Variants in KCNU1 observed in about 807,000 individuals in gnomAD.
KCNU1 encodes the protein potassium calcium-activated channel subfamily U member 1.
A neutral mutation model predicts 126.8 loss-of-function variants in KCNU1; 93 were observed. That is an observed-to-expected ratio of 0.73 (90% confidence interval 0.62 to 0.87). The LOEUF is 0.87. KCNU1 is among the 40% of genes least tolerant of loss of function. The pLI, the probability that KCNU1 is intolerant of heterozygous loss-of-function variation, is 0.00. For missense variants in KCNU1, 1,330 were observed against 1,367.1 expected, an observed-to-expected ratio of 0.97 and a Z score of 0.43; for synonymous variants, 523 against 494.2, an observed-to-expected ratio of 1.06 and a Z score of -0.77.
At chr8:36,890,037 A>T (rs1032616677) in intron 19 of KCNU1, among the ~76,000 whole-genome samples, 1 of 152,074 alleles carries the variant, frequency 6.6e-6, no homozygotes, top group African/African-American at 2.4e-5. Flanking sequence ...AAATTGAAGG[A>T]AACAGGCAGA....
chr8:36,787,197 G>C, intron 1 of KCNU1, 109 bp from the exon 2 acceptor site: 1 of 925,056 alleles, frequency 1.1e-6, no homozygotes, highest in Non-Finnish European at 1.5e-6. Context: ...GGACAAGGTG[G>C]AGTGATTTTC....
intron 24 of KCNU1, chr8:36,922,985 C>T (rs1808415013): frequency 2.1e-6 from 1 of 470,936 alleles, no homozygotes; most frequent in South Asian, 1.5e-5. Context: ...CCAAACAGCT[C>T]ATGTGGAAAT....
chr8:36,862,301 T>G (rs756785496), intron 18 of KCNU1, among the ~76,000 whole-genome samples: 2 of 152,222 alleles, frequency 1.3e-5, no homozygotes, highest in African/African-American at 2.4e-5. Flanking sequence ...GACTTTGTCT[T>G]ATTTTTTTCT....
At chr8:36,804,156 T>C in intron 3 of KCNU1, 68 bp downstream of exon 3, 3 of 999,542 alleles carry the variant, frequency 3.0e-6, no homozygotes, top group Non-Finnish European at 4.6e-6. Context: ...TGGAATTTTC[T>C]CCTCAGGAAT....
intron 2 of KCNU1, among the ~76,000 whole-genome samples, 181 bp from the exon 3 acceptor site, chr8:36,803,846 A>G (rs1257161747): frequency 2.0e-5 from 3 of 152,222 alleles, no homozygotes; most frequent in Non-Finnish European, 4.4e-5. Flanking sequence ...GAAAAGGTCC[A>G]ATCAAGTTGG....
intron 19 of KCNU1, among the ~76,000 whole-genome samples, chr8:36,887,907 A>G (rs1177158108): frequency 2.6e-5 from 4 of 152,112 alleles, no homozygotes; most frequent in African/African-American, 9.7e-5. Flanking sequence ...TATAATCTCT[A>G]TTTTAACATT....
chr8:36,923,521 G>A (rs796281947), intron 24 of KCNU1, among the ~76,000 whole-genome samples: 1 of 152,172 alleles, frequency 6.6e-6, no homozygotes, highest in Admixed American at 6.5e-5. Flanking sequence ...AAGCAGTGAG[G>A]TGGGAGTTGT....
Position 36,922,529 on chromosome 8 carries a change from G to T in KCNU1, c.2636G>T (p.Gly879Val). Reference protein sequence around the residue: ...SNIHFIEQLGGLEGSLQETNL... With the variant: ...SNIHFIEQLGVLEGSLQETNL... Reference sequence around the variant, plus strand: ...ATTCACTTTATTGAACAGCTTGGTGGACTGGAAGGGTCCCTCCAAGAAACA... The same window carrying T: ...ATTCACTTTATTGAACAGCTTGGTGTACTGGAAGGGTCCCTCCAAGAAACA... Residue 879 changes from glycine (G) to valine (V), a missense_variant, in exon 24 of 27, where the codon GGA becomes GTA. This residue lies in a region of KCNU1 where 1,054 missense variants were observed against 1,053.9 expected (regional missense o/e 1.00). Coordinates refer to ENST00000399881, the MANE Select transcript of KCNU1 (RefSeq NM_001031836.3). 6.2e-7 allele frequency: 1 copy of T among 1,613,540 alleles called. No individual in the cohort carries two copies. The highest frequency in any genetic ancestry group is 1.1e-5 in the South Asian group (1 of 91,042).
intron 18 of KCNU1, among the ~76,000 whole-genome samples, chr8:36,861,615 CT>C (rs1244309793): frequency 6.6e-6 from 1 of 152,076 alleles, no homozygotes; most frequent in African/African-American, 2.4e-5. Flanking sequence ...TGTAATATCA[CT>C]TTTTAGGAAT....
intron 7 of KCNU1, among the ~76,000 whole-genome samples, chr8:36,811,699 G>A (rs185350101): frequency 6.6e-6 from 1 of 151,820 alleles, no homozygotes; most frequent in African/African-American, 2.4e-5. Context: ...TGGGAGGCCA[G>A]GGGAGGCACA....
intron 20 of KCNU1, among the ~76,000 whole-genome samples, chr8:36,906,082 A>G (rs1807617209): frequency 6.6e-6 from 1 of 152,010 alleles, no homozygotes; most frequent in Non-Finnish European, 1.5e-5. Flanking sequence ...TGACTCAGTT[A>G]TTCAGAATAA....
intron 24 of KCNU1, among the ~76,000 whole-genome samples, chr8:36,925,720 T>C (rs934607849): frequency 6.6e-6 from 1 of 152,128 alleles, no homozygotes; most frequent in African/African-American, 2.4e-5. Context: ...TACCACCTGG[T>C]CACATGGAAA....
At chr8:36,845,533 C>G (rs762253551) in intron 16 of KCNU1, 47 bp from the exon 17 acceptor site, 2 of 1,162,582 alleles carry the variant, frequency 1.7e-6, no homozygotes, top group South Asian at 1.3e-5. Flanking sequence ...ACTGTTGCCA[C>G]TGAAATCAGA....
At chr8:36,895,109 GAAT>G (rs1185169134) in intron 19 of KCNU1, among the ~76,000 whole-genome samples, 1 of 151,028 alleles carries the variant, frequency 6.6e-6, no homozygotes, top group Admixed American at 6.6e-5. Flanking sequence ...TTTGGAAACA[GAAT>G]CTCACTCTGT....
chr8:36,852,423 A>G (rs553809424), intron 18 of KCNU1, among the ~76,000 whole-genome samples: 309 of 152,200 alleles, frequency 2.0e-3, no homozygotes, highest in African/African-American at 7.1e-3. Context: ...ATTTTTTGGA[A>G]CGGTTTGTGA....
chr8:36,840,310 T>C (rs1804900824), intron 14 of KCNU1, among the ~76,000 whole-genome samples, 153 bp from the exon 15 acceptor site: 1 of 152,232 alleles, frequency 6.6e-6, no homozygotes, highest in Non-Finnish European at 1.5e-5. Context: ...GTTATTCCTT[T>C]AACATTTCTC....
chr8:36,855,646 G>C lies in KCNU1; in HGVS notation c.1892-8758G>C, dbSNP rs183647197. Among the ~76,000 whole-genome samples, 4 of 151,942 alleles carry C rather than the reference G, an allele frequency of 2.6e-5. No individual in the cohort carries two copies. In the South Asian group the frequency reaches 8.3e-4, roughly 32 times the overall value. ...TTTCTCTCGACTAAATGTTTTCAAG[G>C]CTCCTGTTGGTTAGTTTCCAGAGTT... On this transcript the variant is annotated intron_variant, in intron 18 of 26. Transcript: ENST00000399881.
intron 25 of KCNU1, 103 bp downstream of exon 25, chr8:36,931,248 A>T: frequency 1.6e-6 from 1 of 607,052 alleles, no homozygotes; most frequent in Non-Finnish European, 2.8e-6. Context: ...CATAGCACAG[A>T]AATGATAACA....
chr8:36,892,834 G>T lies in KCNU1; in HGVS notation c.2010-12874G>T, dbSNP rs1807021125. Among the ~76,000 whole-genome samples, 4 of 152,190 alleles carry T rather than the reference G, an allele frequency of 2.6e-5. No individual in the cohort carries two copies. The South Asian group carries it at 8.3e-4, about 32-fold the overall frequency. On this transcript the variant is annotated intron_variant, in intron 19 of 26. Coordinates refer to ENST00000399881, the MANE Select transcript of KCNU1 (RefSeq NM_001031836.3). ...TCTCAAGATCAGCCAGAAGAGATTAGGAATACCTCAGGTTTTTTTTCCCCT... is the reference window on the plus strand; with the variant it reads ...TCTCAAGATCAGCCAGAAGAGATTATGAATACCTCAGGTTTTTTTTCCCCT...
Sources: allele counts gnomAD v4.1 joint callset (sites outside exome capture counted in the v4.1 genomes callset), GRCh38; gene constraint gnomAD v4.1.1; regional missense constraint gnomAD v4.1.1; transcripts MANE v1.5; gene names NCBI Gene and HGNC (gene_info 2026-07-23, HGNC 2026-07-21).